The following RAD51B variants were observed in gnomAD, a reference collection of about 807,000 sequenced individuals.
RAD51B encodes RAD51 paralog B, also known as DNA repair protein RAD51 homolog 2.
In RAD51B, 38 loss-of-function variants were observed where a neutral mutation model predicts 42.2. The observed-to-expected ratio is 0.90, with a 90% CI of 0.70 to 1.18. RAD51B has a LOEUF of 1.18. Among genes scored for constraint, RAD51B ranks in the 50% most tolerant of loss-of-function variants. The pLI, the probability that RAD51B is intolerant of heterozygous loss-of-function variation, is 0.00. For missense variants in RAD51B, 373 were observed against 400.7 expected, an observed-to-expected ratio of 0.93 and a Z score of 0.59; for synonymous variants, 154 against 145.2, an observed-to-expected ratio of 1.06 and a Z score of -0.43.
chr14:68,541,218 G>A (rs569468740), intron 10 of RAD51B: 11 of 985,364 alleles, frequency 1.1e-5, no homozygotes, highest in African/African-American at 8.7e-5. Flanking sequence ...AGCTCCGTTC[G>A]GGCTCCTCTT....
intron 8 of RAD51B, among the ~76,000 whole-genome samples, chr14:68,296,989 A>G (rs2081626951): frequency 6.6e-6 from 1 of 152,238 alleles, no homozygotes; most frequent in African/African-American, 2.4e-5. Flanking sequence ...AAGGCTTTCT[A>G]TTCTGGTTGG....
intron 11 of RAD51B, among the ~76,000 whole-genome samples, chr14:68,659,515 C>T (rs1384917577): frequency 6.6e-6 from 1 of 152,198 alleles, no homozygotes; most frequent in Non-Finnish European, 1.5e-5. Context: ...AGTGAATTGA[C>T]AGCTTTGAAA....
At chr14:67,900,676 T>C (rs2043583492) in intron 7 of RAD51B, among the ~76,000 whole-genome samples, 1 of 150,118 alleles carries the variant, frequency 6.7e-6, no homozygotes, top group South Asian at 2.1e-4. Flanking sequence ...GGAGTTACAG[T>C]TCTAAACTAA....
intron 8 of RAD51B, among the ~76,000 whole-genome samples, chr14:68,295,637 G>T (rs1272781333): frequency 6.6e-6 from 1 of 152,166 alleles, no homozygotes; most frequent in Non-Finnish European, 1.5e-5. Context: ...TGGGGTGGAA[G>T]AGATCTCTCG....
chr14:68,266,332 A>G (rs779304762), intron 7 of RAD51B, among the ~76,000 whole-genome samples: 23 of 152,242 alleles, frequency 1.5e-4, no homozygotes, highest in Non-Finnish European at 2.9e-4. Flanking sequence ...CAGAAGTATG[A>G]TTGGAGCACC....
intron 7 of RAD51B, among the ~76,000 whole-genome samples, chr14:68,020,318 C>T (rs371374032): frequency 1.5e-4 from 23 of 152,096 alleles, no homozygotes; most frequent in East Asian, 7.7e-4. Flanking sequence ...CGCTATTTGC[C>T]CAGGCTGGTC....
chr14:68,168,528 A>T (rs1338945935), intron 7 of RAD51B, among the ~76,000 whole-genome samples: 3 of 152,182 alleles, frequency 2.0e-5, no homozygotes, highest in Non-Finnish European at 4.4e-5. Context: ...ATTAAACAGC[A>T]TTCAATTTGA....
At chr14:67,925,219 T>C (rs970024087) in intron 7 of RAD51B, among the ~76,000 whole-genome samples, 7 of 152,164 alleles carry the variant, frequency 4.6e-5, no homozygotes, top group African/African-American at 1.7e-4. Context: ...TGGGCTGGCA[T>C]TGAGTGTCTG....
chr14:68,184,608 T>TA (rs748047329), intron 7 of RAD51B, among the ~76,000 whole-genome samples: 1,171 of 21,522 alleles, frequency 0.054, 21 homozygotes, highest in African/African-American at 0.072. Context: ...AGGCCCTGTC[T>TA]AAAAAAAAAA....
At chr14:68,481,464 A>G (rs755642492), downstream of RAD51B, among the ~76,000 whole-genome samples, 2 of 152,224 alleles carry the variant, frequency 1.3e-5, no homozygotes, top group African/African-American at 2.4e-5. Context: ...TGACAAACCA[A>G]TACAGTACTC....
At chr14:68,610,272 C>T (rs1412550874) in intron 10 of RAD51B, among the ~76,000 whole-genome samples, 2 of 152,180 alleles carry the variant, frequency 1.3e-5, no homozygotes, top group Non-Finnish European at 2.9e-5. Context: ...GGTCAGCCTC[C>T]GGATGCCTGA....
intron 10 of RAD51B, among the ~76,000 whole-genome samples, chr14:68,526,662 G>A (rs900155265): frequency 3.9e-5 from 6 of 152,102 alleles, no homozygotes; most frequent in Admixed American, 6.6e-5. Context: ...GCTGACTCAC[G>A]CCCACTGGCA....
chr14:68,680,619 T>A (rs1355899333), intron 11 of RAD51B, among the ~76,000 whole-genome samples: 25 of 152,124 alleles, frequency 1.6e-4, no homozygotes, highest in Admixed American at 1.6e-3. Context: ...ATGGGTCCCA[T>A]GCTATCTGAT....
At chr14:68,081,920 C>G (rs118087339) in intron 7 of RAD51B, among the ~76,000 whole-genome samples, 1 of 151,998 alleles carries the variant, frequency 6.6e-6, no homozygotes, top group East Asian at 1.9e-4. Context: ...TTTTTCCTAA[C>G]AATTATGTGA....
At chr14:68,425,882 A>G (rs574342286) in intron 9 of RAD51B, among the ~76,000 whole-genome samples, 2 of 152,348 alleles carry the variant, frequency 1.3e-5, no homozygotes, top group South Asian at 4.1e-4. Context: ...TAGAGATTAC[A>G]TAAGTGATTG....
intron 8 of RAD51B, among the ~76,000 whole-genome samples, chr14:68,297,737 T>G (rs998321655): frequency 6.6e-6 from 1 of 152,202 alleles, no homozygotes; most frequent in African/African-American, 2.4e-5. Context: ...TTTTCCATAG[T>G]ATTTTTAATT....
chr14:68,473,526 C>T (rs1162051136), intron 10 of RAD51B, among the ~76,000 whole-genome samples: 1 of 150,750 alleles, frequency 6.6e-6, no homozygotes, highest in Non-Finnish European at 1.5e-5. Flanking sequence ...CTCACACAGG[C>T]TCTCTGCTTT....
intron 8 of RAD51B, among the ~76,000 whole-genome samples, chr14:68,293,525 T>A (rs2081554591): frequency 6.6e-6 from 1 of 152,166 alleles, no homozygotes; most frequent in Admixed American, 6.5e-5. Context: ...GCCGATATCT[T>A]AGGTGAAGCT....
At chr14:68,110,475 G>A (rs563189167) in intron 7 of RAD51B, among the ~76,000 whole-genome samples, 1 of 152,056 alleles carries the variant, frequency 6.6e-6, no homozygotes, top group East Asian at 1.9e-4. Context: ...GGAGCAAAGT[G>A]GCATTACTTA....
Sources: gnomAD v4.1 joint callset for allele counts (sites outside exome capture counted in the v4.1 genomes callset) on GRCh38, gnomAD v4.1.1 for gene constraint, MANE v1.5 for transcripts, NCBI Gene and HGNC (gene_info 2026-07-23, HGNC 2026-07-21) for gene names.